Variants in ERICH1 observed in about 807,000 individuals in gnomAD.
The protein encoded by ERICH1 is glutamate rich 1.
ERICH1 carries 56 observed loss-of-function variants against 39.6 expected under a neutral mutation model. The observed-to-expected ratio is 1.41, with a 90% confidence interval of 1.14 to 1.77. The LOEUF is 1.77. Ranked by LOEUF, ERICH1 falls within the 40% of genes most tolerant of loss-of-function variation. ERICH1 has a pLI of 0.00. For missense variants in ERICH1, 826 were observed against 575.4 expected (o/e 1.44, Z -4.45); for synonymous variants, 313 against 223.6 (o/e 1.40, Z -3.57).
At chr8:722,331 A>G (rs1414886130) in intron 1 of ERICH1, among the ~76,000 whole-genome samples, 2 of 151,996 alleles carry the variant, frequency 1.3e-5, no homozygotes, top group African/African-American at 4.8e-5. Flanking sequence ...GCCCAGAAAA[A>G]ACACCCCGTC....
chr8:717,437 C>T (rs538966769), intron 1 of ERICH1, among the ~76,000 whole-genome samples: 1 of 152,250 alleles, frequency 6.6e-6, no homozygotes, highest in Non-Finnish European at 1.5e-5. Flanking sequence ...CTGTGAAATG[C>T]TTTTAAAAAT....
At position 634,657 on chromosome 8, in the gene ERICH1, GC is replaced by G. The variant is rs561665097; in HGVS notation, c.977-19374del. On this transcript the variant is annotated intron_variant, in intron 3 of 3. Transcript: ENST00000522706. ...GACAGCTGGCGGAGCAGCCGGACCA[GC>G]CCCCACGATGGGTGGGGGGCTGCCG... Among the ~76,000 whole-genome samples the G allele has an allele frequency of 8.4e-4, 128 of 152,262 alleles. No individual in the cohort carries two copies. The Middle Eastern group carries it at 0.02, about 24-fold the overall frequency.
At chr8:687,342 A>G (rs1340911224) in intron 3 of ERICH1, among the ~76,000 whole-genome samples, 2 of 152,222 alleles carry the variant, frequency 1.3e-5, no homozygotes, top group Non-Finnish European at 2.9e-5. Flanking sequence ...AACGCAGTTC[A>G]CCAAATATTG....
chr8:668,858 T>C, intron 4 of ERICH1, 66 bp from the exon 5 acceptor site: 1 of 1,445,108 alleles, frequency 6.9e-7, no homozygotes, highest in Non-Finnish European at 9.3e-7. Context: ...AAAGATAAGC[T>C]TTCCTCTCTT....
chr8:689,185 C>T (rs945107705), intron 3 of ERICH1, among the ~76,000 whole-genome samples: 1 of 152,150 alleles, frequency 6.6e-6, no homozygotes, highest in Non-Finnish European at 1.5e-5. Flanking sequence ...GATCTCGGCT[C>T]ACCACGGCCT....
intron 4 of ERICH1, among the ~76,000 whole-genome samples, chr8:670,595 G>A (rs1803080836): frequency 6.6e-6 from 1 of 152,158 alleles, no homozygotes; most frequent in Non-Finnish European, 1.5e-5. Flanking sequence ...CGAGGGTCAG[G>A]CCGATCCTCA....
At chr8:637,134 C>T (rs1256468458) in intron 3 of ERICH1, among the ~76,000 whole-genome samples, 1 of 152,250 alleles carries the variant, frequency 6.6e-6, no homozygotes, top group Admixed American at 6.5e-5. Flanking sequence ...TCTCTGCAGC[C>T]ACTGTGGCTT....
intron 4 of ERICH1, among the ~76,000 whole-genome samples, chr8:670,198 C>G (rs1467513356): frequency 1.3e-5 from 2 of 152,190 alleles, no homozygotes; most frequent in Non-Finnish European, 2.9e-5. Context: ...CTATATTTCT[C>G]AGGCCTAAAA....
intron 3 of ERICH1, among the ~76,000 whole-genome samples, chr8:632,762 G>A (rs963053641): frequency 2.0e-5 from 3 of 152,194 alleles, no homozygotes; most frequent in Admixed American, 6.5e-5. Flanking sequence ...GATCATCAGT[G>A]GGTAACATAA....
intron 2 of ERICH1, among the ~76,000 whole-genome samples, chr8:698,858 G>A (rs558302588): frequency 2.0e-5 from 3 of 151,432 alleles, no homozygotes; most frequent in Non-Finnish European, 2.9e-5. Context: ...TCCTCCTCAG[G>A]TAGGATGCCA....
At chr8:649,450 C>A (rs1247458271) in intron 3 of ERICH1, among the ~76,000 whole-genome samples, 1 of 152,228 alleles carries the variant, frequency 6.6e-6, no homozygotes, top group African/African-American at 2.4e-5. Flanking sequence ...CTATGCTGTC[C>A]TCAAGGTCAA....
intron 3 of ERICH1, among the ~76,000 whole-genome samples, chr8:651,724 G>A (rs1168498218): frequency 6.6e-6 from 1 of 151,464 alleles, no homozygotes; most frequent in Non-Finnish European, 1.5e-5. Context: ...GAGTGGGAGG[G>A]GGGAGAAGAC....
chr8:624,268 T>C (rs1478993029), intron 3 of ERICH1, among the ~76,000 whole-genome samples: 6 of 152,028 alleles, frequency 3.9e-5, no homozygotes, highest in African/African-American at 1.2e-4. Context: ...TGTGAAGATA[T>C]CGGAACCACT....
chr8:672,524 CCCA>C (rs1230590249), intron 4 of ERICH1, among the ~76,000 whole-genome samples: 1 of 152,152 alleles, frequency 6.6e-6, no homozygotes, highest in Non-Finnish European at 1.5e-5. Context: ...ATCTGCTAAA[CCCA>C]CCACATTAAC....
intron 2 of ERICH1, among the ~76,000 whole-genome samples, chr8:713,352 A>G (rs1815197765): frequency 6.6e-6 from 1 of 152,256 alleles, no homozygotes; most frequent in African/African-American, 2.4e-5. Context: ...TATGTGCAAA[A>G]GCAGTCATTT....
At chr8:684,019 T>G (rs997118701) in intron 3 of ERICH1, among the ~76,000 whole-genome samples, 2 of 152,258 alleles carry the variant, frequency 1.3e-5, no homozygotes, top group Non-Finnish European at 2.9e-5. Flanking sequence ...TTTACATGTT[T>G]GAGTCTTAAA....
intron 3 of ERICH1, among the ~76,000 whole-genome samples, chr8:639,526 G>C (rs1390587732): frequency 1.3e-5 from 2 of 152,174 alleles, no homozygotes; most frequent in East Asian, 3.9e-4. Flanking sequence ...CACCAATCCA[G>C]TTAGCAGACA....
rs1452556762 is a variant in ERICH1, at chr8:648,039, C to A, written c.976+20559G>T. 3.0e-5 allele frequency among the ~76,000 whole-genome samples: 2 copies of A among 67,742 alleles called. 1 individual carries two copies. Among genetic ancestry groups the A allele is most frequent in the Non-Finnish European group, 9.1e-5 (2 of 22,066 alleles). 44.4% of individuals were successfully genotyped at this position (67,742 alleles called of 152,430 possible). A position where few individuals can be genotyped will look rare whatever the true frequency, so the allele number is the denominator to read the frequency against. ...AAACGTACAGTGTGGCTGACGCAAA[C>A]GACAGCACGTCAGACAGCAGCTAGA... On this transcript the variant is annotated intron_variant, in intron 3 of 3. Transcript: ENST00000522706.
chr8:688,337 CCGCTCTACGCTTA>C (rs1808100051), intron 3 of ERICH1, among the ~76,000 whole-genome samples: 1 of 127,094 alleles, frequency 7.9e-6, no homozygotes, highest in Admixed American at 7.8e-5. Context: ...CGGCGCCATC[CCGCTCTACGCTTA>C]GCCCCACCTC....
Sources: gnomAD v4.1 joint callset for allele counts (sites outside exome capture counted in the v4.1 genomes callset) on GRCh38, gnomAD v4.1.1 for gene constraint, MANE v1.5 for transcripts, NCBI Gene and HGNC (gene_info 2026-07-23, HGNC 2026-07-21) for gene names.